The following PLCE1 variants were observed in gnomAD, a reference collection of about 807,000 sequenced individuals.
PLCE1 encodes phospholipase C epsilon 1.
A neutral mutation model predicts 242.8 loss-of-function variants in PLCE1; 119 were observed. The observed-to-expected ratio is 0.49, with a 90% CI of 0.42 to 0.57. The LOEUF (loss-of-function observed/expected upper bound fraction) is 0.57, where lower values mean the gene tolerates loss of function less well. PLCE1 is among the 20% of genes least tolerant of loss of function. PLCE1 has a pLI of 0.00. For synonymous variants in PLCE1, 945 were observed against 1,017.4 expected, an observed-to-expected ratio of 0.93 and a Z score of 1.35; for missense variants, 2,441 against 2,788.8, an observed-to-expected ratio of 0.88 and a Z score of 2.81.
At chr10:94,018,543 A>G (rs1287120578) in intron 1 of PLCE1, among the ~76,000 whole-genome samples, 1 of 152,182 alleles carries the variant, frequency 6.6e-6, no homozygotes, top group Non-Finnish European at 1.5e-5. Context: ...ATTCTCTGGA[A>G]AGTCTTCACT....
chr10:94,081,183 A>T (rs571130159), intron 2 of PLCE1, among the ~76,000 whole-genome samples: 2 of 151,760 alleles, frequency 1.3e-5, no homozygotes, highest in Non-Finnish European at 2.9e-5. Context: ...CATTTTACCT[A>T]TTTGCCATTT....
At chr10:94,246,714 T>C in intron 8 of PLCE1, 93 bp downstream of exon 8, 1 of 1,143,430 alleles carries the variant, frequency 8.7e-7, no homozygotes, top group Non-Finnish European at 1.3e-6. Flanking sequence ...CTCCCAGCTC[T>C]GACAGTTACT....
chr10:94,098,222 T>C (rs1001970149), intron 2 of PLCE1, among the ~76,000 whole-genome samples: 10 of 152,206 alleles, frequency 6.6e-5, no homozygotes, highest in African/African-American at 2.4e-4. Flanking sequence ...TCCTTCCTTT[T>C]TTAACAAAAA....
chr10:94,310,756 CATG>C (rs905837701), intron 27 of PLCE1, among the ~76,000 whole-genome samples: 1 of 152,154 alleles, frequency 6.6e-6, no homozygotes, highest in Non-Finnish European at 1.5e-5. Flanking sequence ...ACACCAAAAA[CATG>C]GTGTCTTTTC....
At chr10:94,257,894 C>T (rs2051159303) in intron 11 of PLCE1, among the ~76,000 whole-genome samples, 1 of 152,146 alleles carries the variant, frequency 6.6e-6, no homozygotes, top group African/African-American at 2.4e-5. Context: ...ACATTGTGCA[C>T]ATGTACCCTA....
chr10:94,204,378 A>T (rs2049077045), intron 4 of PLCE1, among the ~76,000 whole-genome samples: 2 of 152,158 alleles, frequency 1.3e-5, no homozygotes, highest in South Asian at 4.1e-4. Context: ...TTAGAAAATG[A>T]TGTGTCCTGG....
intron 3 of PLCE1, among the ~76,000 whole-genome samples, chr10:94,167,177 G>A (rs1308912126): frequency 6.6e-6 from 1 of 152,118 alleles, no homozygotes; most frequent in Non-Finnish European, 1.5e-5. Flanking sequence ...TGTAATCCCA[G>A]CTACTTGGGA....
At chr10:94,311,940 AGAGCTCATGGGTCATTTAGAGGG>A (rs1290900218) in intron 27 of PLCE1, among the ~76,000 whole-genome samples, 6 of 152,126 alleles carry the variant, frequency 3.9e-5, no homozygotes, top group Non-Finnish European at 7.4e-5. Context: ...TAGAAAGCAG[AGAGCTCATGGGTCATTTAGAGGG>A]GAGCTCATGG....
At chr10:94,089,374 C>A (rs2044973292) in intron 2 of PLCE1, 2 of 1,592,270 alleles carry the variant, frequency 1.3e-6, no homozygotes. Context: ...TAAAGAAGAC[C>A]AGGTAAGGGT....
Position 94,001,923 on chromosome 10 carries a change from T to A in PLCE1, c.-365+7665T>A, listed in dbSNP as rs1165953356. On this transcript the variant is annotated intron_variant, in intron 1 of 32. Transcript: ENST00000371380. The stretch of plus-strand genomic sequence containing the variant: ...TCCTTTTCCCTCCACAAAGGCAGAA[T>A]GAATTTGGATGACAGAGCAGAGCTT... Among the ~76,000 whole-genome samples, 5 of 152,202 alleles carry A rather than the reference T, an allele frequency of 3.3e-5. No homozygotes were observed. In the South Asian group the frequency reaches 8.3e-4, roughly 25 times the overall value.
intron 2 of PLCE1, among the ~76,000 whole-genome samples, chr10:94,043,643 C>T (rs1382366882): frequency 6.6e-6 from 1 of 152,196 alleles, no homozygotes; most frequent in Non-Finnish European, 1.5e-5. Flanking sequence ...TTGAGAAACT[C>T]TCTTCCAGGA....
intron 4 of PLCE1, among the ~76,000 whole-genome samples, chr10:94,218,924 T>A (rs1173750855): frequency 2.0e-5 from 3 of 147,126 alleles, no homozygotes; most frequent in Non-Finnish European, 4.5e-5. Flanking sequence ...ACTATAAAAA[T>A]TTTAATTATA....
At chr10:94,016,823 T>A (rs890458135) in intron 1 of PLCE1, among the ~76,000 whole-genome samples, 6 of 152,244 alleles carry the variant, frequency 3.9e-5, no homozygotes, top group Non-Finnish European at 7.3e-5. Context: ...CTGTTTTATT[T>A]GTTAAAAAGT....
intron 1 of PLCE1, among the ~76,000 whole-genome samples, chr10:94,020,275 A>G (rs1444803540): frequency 2.0e-5 from 3 of 152,110 alleles, no homozygotes; most frequent in African/African-American, 7.2e-5. Context: ...CTTTTCGTGT[A>G]CTTATAGACC....
intron 1 of PLCE1, among the ~76,000 whole-genome samples, chr10:94,006,391 G>T (rs528562578): frequency 9.4e-4 from 143 of 152,330 alleles, no homozygotes; most frequent in African/African-American, 3.2e-3. Context: ...TCCATGAAAG[G>T]TTTCTACTGT....
chr10:94,052,942 G>A (rs2043804668), intron 2 of PLCE1, among the ~76,000 whole-genome samples: 1 of 152,184 alleles, frequency 6.6e-6, no homozygotes, highest in Non-Finnish European at 1.5e-5. Flanking sequence ...AAAATCTGGA[G>A]TGGAATAAGC....
chr10:94,075,626 T>G (rs2044477601), intron 2 of PLCE1, among the ~76,000 whole-genome samples: 1 of 152,236 alleles, frequency 6.6e-6, no homozygotes, highest in Non-Finnish European at 1.5e-5. Flanking sequence ...TTTGTTTGAA[T>G]GAAGGGAATA....
chr10:94,249,534 C>T (rs1402278260), intron 8 of PLCE1, among the ~76,000 whole-genome samples: 2 of 152,002 alleles, frequency 1.3e-5, no homozygotes, highest in African/African-American at 2.4e-5. Context: ...TTTTTAATCC[C>T]TAGTTTGGGA....
At chr10:94,129,691 T>C (rs747116124) in intron 2 of PLCE1, among the ~76,000 whole-genome samples, 3 of 152,154 alleles carry the variant, frequency 2.0e-5, no homozygotes, top group African/African-American at 4.8e-5. Context: ...ATTGCCAGCT[T>C]AGTAATCTTT....
Sources: gnomAD v4.1 joint callset for allele counts (sites outside exome capture counted in the v4.1 genomes callset) on GRCh38, gnomAD v4.1.1 for gene constraint, MANE v1.5 for transcripts, NCBI Gene and HGNC (gene_info 2026-07-23, HGNC 2026-07-21) for gene names.